ERBB4: variants seen among roughly 807,000 people sequenced by gnomAD.
The protein encoded by ERBB4 is erb-b2 receptor tyrosine kinase 4.
ERBB4 carries 42 observed loss-of-function variants against 158.0 expected under a neutral mutation model. The ratio of observed to expected loss-of-function variants is 0.27; its 90% confidence interval spans 0.21 to 0.34. The LOEUF is 0.34. Among genes scored for constraint, ERBB4 ranks in the 10% least tolerant of loss-of-function variants. The pLI is 1.00. For synonymous variants in ERBB4, 583 were observed against 558.7 expected, an observed-to-expected ratio of 1.04 and a Z score of -0.61; for missense variants, 1,333 against 1,624.1, an observed-to-expected ratio of 0.82 and a Z score of 3.08.
intron 20 of ERBB4, among the ~76,000 whole-genome samples, chr2:211,518,208 T>C (rs1467559534): frequency 6.6e-6 from 1 of 152,134 alleles, no homozygotes; most frequent in East Asian, 1.9e-4. Context: ...GTAAAAATTC[T>C]CCCAACTTCA....
At chr2:212,387,278 T>C (rs538375431) in intron 1 of ERBB4, among the ~76,000 whole-genome samples, 7 of 152,200 alleles carry the variant, frequency 4.6e-5, no homozygotes, top group Non-Finnish European at 7.4e-5. Flanking sequence ...TTTTAGCTAA[T>C]ATCAAGCATA....
chr2:211,968,004 A>G (rs2081350448), intron 2 of ERBB4, among the ~76,000 whole-genome samples: 1 of 151,992 alleles, frequency 6.6e-6, no homozygotes, highest in Non-Finnish European at 1.5e-5. Flanking sequence ...CTGCATTTAG[A>G]CTACATAGAT....
chr2:211,640,972 G>A (rs2070562179), intron 16 of ERBB4, among the ~76,000 whole-genome samples: 2 of 152,100 alleles, frequency 1.3e-5, no homozygotes, highest in African/African-American at 2.4e-5. Flanking sequence ...AATTAGAAGG[G>A]AGAAGTTTTT....
intron 1 of ERBB4, among the ~76,000 whole-genome samples, chr2:212,397,849 T>G (rs997258253): frequency 6.6e-6 from 1 of 152,132 alleles, no homozygotes; most frequent in Non-Finnish European, 1.5e-5. Flanking sequence ...TATCAACTAA[T>G]GTTTCCAGAC....
intron 5 of ERBB4, among the ~76,000 whole-genome samples, chr2:211,734,851 G>A (rs2074550136): frequency 1.4e-5 from 2 of 140,242 alleles, no homozygotes; most frequent in African/African-American, 2.7e-5. Flanking sequence ...AACTTGGGAG[G>A]CAGAGCCCCT....
chr2:212,465,745 A>G (rs1252446227), intron 1 of ERBB4, among the ~76,000 whole-genome samples: 1 of 152,128 alleles, frequency 6.6e-6, no homozygotes, highest in Non-Finnish European at 1.5e-5. Flanking sequence ...ATTTATACCT[A>G]AAGTAGTCAT....
chr2:211,982,744 C>T (rs867725226), intron 2 of ERBB4, among the ~76,000 whole-genome samples: 3 of 152,054 alleles, frequency 2.0e-5, no homozygotes, highest in Non-Finnish European at 4.4e-5. Context: ...CCAAGTTAAT[C>T]CATGGTGAAC....
intron 2 of ERBB4, among the ~76,000 whole-genome samples, chr2:212,087,172 T>TACACAC (rs147010295): frequency 1.4e-5 from 2 of 147,420 alleles, no homozygotes; most frequent in African/African-American, 5.0e-5. Context: ...AACACACACA[T>TACACAC]ACACACACAC....
chr2:212,314,782 C>A (rs1318665077), intron 1 of ERBB4, among the ~76,000 whole-genome samples: 14 of 151,192 alleles, frequency 9.3e-5, no homozygotes, highest in Non-Finnish European at 1.9e-4. Flanking sequence ...CCAGAAAGAG[C>A]CTTTCTCTTT....
intron 2 of ERBB4, among the ~76,000 whole-genome samples, chr2:212,007,887 C>A (rs2076293755): frequency 6.6e-6 from 1 of 151,924 alleles, no homozygotes; most frequent in South Asian, 2.1e-4. Context: ...CTTCCTTATT[C>A]AAGAAAATTG....
intron 19 of ERBB4, among the ~76,000 whole-genome samples, chr2:211,607,857 C>T (rs2069042468): frequency 6.8e-6 from 1 of 146,500 alleles, no homozygotes; most frequent in South Asian, 2.1e-4. Flanking sequence ...AAAACTTTTT[C>T]GCATCAGATT....
intron 1 of ERBB4, among the ~76,000 whole-genome samples, chr2:212,188,578 A>G (rs2082098888): frequency 1.3e-5 from 2 of 151,954 alleles, no homozygotes; most frequent in African/African-American, 2.4e-5. Context: ...CCTTTAATGC[A>G]AAGACAATTT....
chr2:212,521,371 A>G (rs1208408586), intron 1 of ERBB4, among the ~76,000 whole-genome samples: 2 of 151,840 alleles, frequency 1.3e-5, no homozygotes, highest in Non-Finnish European at 2.9e-5. Flanking sequence ...TTCTTCCTCA[A>G]ATAGTCTACT....
intron 4 of ERBB4, among the ~76,000 whole-genome samples, chr2:211,783,475 G>A (rs1018048747): frequency 5.3e-5 from 8 of 152,120 alleles, no homozygotes; most frequent in Non-Finnish European, 1.2e-4. Context: ...TCCAGTTTTT[G>A]GCCATTCAGT....
intron 2 of ERBB4, among the ~76,000 whole-genome samples, chr2:211,947,887 C>A (rs1005590186): frequency 6.6e-6 from 1 of 152,032 alleles, no homozygotes; most frequent in African/African-American, 2.4e-5. Context: ...CTTCTTCATA[C>A]CTGAGATTTG....
At chr2:211,518,430 C>A (rs1294572247) in intron 20 of ERBB4, among the ~76,000 whole-genome samples, 1 of 152,032 alleles carries the variant, frequency 6.6e-6, no homozygotes, top group Admixed American at 6.6e-5. Flanking sequence ...CCAAGGCGGG[C>A]AGATCACAAA....
intron 1 of ERBB4, among the ~76,000 whole-genome samples, chr2:212,380,233 C>T (rs905969316): frequency 6.6e-6 from 1 of 151,194 alleles, no homozygotes; most frequent in Non-Finnish European, 1.5e-5. Flanking sequence ...TGTGTCTGTA[C>T]TGAATATGTA....
At chr2:212,425,313 A>G (rs1027633239) in intron 1 of ERBB4, among the ~76,000 whole-genome samples, 3 of 122,246 alleles carry the variant, frequency 2.5e-5, no homozygotes, top group African/African-American at 8.0e-5. Flanking sequence ...TATATAATAT[A>G]TATGTGTTGG....
intron 1 of ERBB4, among the ~76,000 whole-genome samples, chr2:212,224,925 A>G (rs988715802): frequency 6.6e-6 from 1 of 152,096 alleles, no homozygotes; most frequent in Non-Finnish European, 1.5e-5. Flanking sequence ...AATTTTAAGA[A>G]TGTGTATTAT....
Sources: gnomAD v4.1 joint callset for allele counts (sites outside exome capture counted in the v4.1 genomes callset) on GRCh38, gnomAD v4.1.1 for gene constraint, MANE v1.5 for transcripts, NCBI Gene and HGNC (gene_info 2026-07-23, HGNC 2026-07-21) for gene names.